SCLT1: variants seen among roughly 807,000 people sequenced by gnomAD.
The protein encoded by SCLT1 is sodium channel and clathrin linker 1.
In SCLT1, 78 loss-of-function variants were observed where a neutral mutation model predicts 112.8. That is an observed-to-expected ratio of 0.69 (90% CI 0.58 to 0.83). SCLT1 has a LOEUF of 0.83. Among genes scored for constraint, SCLT1 ranks in the 40% least tolerant of loss-of-function variants. The probability of loss-of-function intolerance (pLI) is 0.00; values close to 1 mark genes in which losing one functional copy is unlikely to be tolerated. For missense variants in SCLT1, 747 were observed against 770.4 expected, an observed-to-expected ratio of 0.97 and a Z score of 0.36; for synonymous variants, 257 against 254.7, an observed-to-expected ratio of 1.01 and a Z score of -0.09.
intron 16 of SCLT1, among the ~76,000 whole-genome samples, chr4:128,943,844 A>T (rs1737918838): frequency 6.6e-6 from 1 of 152,170 alleles, no homozygotes; most frequent in Non-Finnish European, 1.5e-5. Flanking sequence ...TCAATAACAG[A>T]TAAGCACTGT....
intron 2 of SCLT1, among the ~76,000 whole-genome samples, chr4:129,056,481 T>A (rs936708851): frequency 6.6e-6 from 1 of 152,214 alleles, no homozygotes; most frequent in African/African-American, 2.4e-5. Flanking sequence ...GAACATGGTA[T>A]GTATTTCTAT....
At chr4:129,034,435 A>T (rs1450348178) in intron 5 of SCLT1, among the ~76,000 whole-genome samples, 2 of 151,654 alleles carry the variant, frequency 1.3e-5, no homozygotes, top group South Asian at 4.2e-4. Context: ...AAAAAAATAA[A>T]TATCAGGCTA....
At chr4:128,921,401 A>T (rs1228413357) in intron 18 of SCLT1, among the ~76,000 whole-genome samples, 2 of 152,200 alleles carry the variant, frequency 1.3e-5, no homozygotes, top group Non-Finnish European at 2.9e-5. Context: ...TGAATGAAAA[A>T]CTATACTACA....
rs545861436 is a variant in SCLT1, at chr4:129,027,540, G to A, written c.290+11501C>T. On this transcript the variant is annotated intron_variant, in intron 5 of 20. Transcript: ENST00000281142. ...TGGGACGTATCTCAAAATAATAAGAGCTATCTATGACAAACCCACAGCCAA... is the reference window on the plus strand; with the variant it reads ...TGGGACGTATCTCAAAATAATAAGAACTATCTATGACAAACCCACAGCCAA... Among the ~76,000 whole-genome samples, 30 of 152,178 alleles carry A rather than the reference G, an allele frequency of 2.0e-4. 1 individual carries two copies. In the East Asian group the frequency reaches 5.8e-3, roughly 29 times the overall value.
intron 9 of SCLT1, among the ~76,000 whole-genome samples, chr4:128,989,345 A>G (rs1488998433): frequency 6.6e-6 from 1 of 151,858 alleles, no homozygotes; most frequent in Non-Finnish European, 1.5e-5. Flanking sequence ...CACACAAACA[A>G]GGAAATTAAA....
chr4:129,002,074 A>G (rs1743540395), intron 6 of SCLT1, among the ~76,000 whole-genome samples: 1 of 152,062 alleles, frequency 6.6e-6, no homozygotes, highest in South Asian at 2.1e-4. Context: ...CTTACCTAAA[A>G]TATCACTTTC....
chr4:129,044,827 CAAAAAAAA>C (rs61042798), intron 2 of SCLT1, among the ~76,000 whole-genome samples: 1 of 77,280 alleles, frequency 1.3e-5, no homozygotes, highest in African/African-American at 4.3e-5. Flanking sequence ...ATAATCTCAC[CAAAAAAAA>C]AAAAAAAAGG....
At chr4:128,890,965 T>C in intron 19 of SCLT1, 94 bp downstream of exon 19, 1 of 793,494 alleles carries the variant, frequency 1.3e-6, no homozygotes, top group Non-Finnish European at 2.1e-6. Flanking sequence ...TATTTCCAAG[T>C]AGAGAAATAA....
chr4:128,966,843 G>GTT (rs34186359), intron 10 of SCLT1, among the ~76,000 whole-genome samples: 1 of 146,164 alleles, frequency 6.8e-6, no homozygotes, highest in Non-Finnish European at 1.5e-5. Flanking sequence ...GTTTCCACAG[G>GTT]TTTTTTTTTT....
chr4:129,047,626 T>C (rs1004021436), intron 2 of SCLT1, among the ~76,000 whole-genome samples: 3 of 152,104 alleles, frequency 2.0e-5, no homozygotes, highest in African/African-American at 7.2e-5. Flanking sequence ...GGTTCCCCTT[T>C]CTCCACATCC....
intron 2 of SCLT1, among the ~76,000 whole-genome samples, chr4:129,052,050 ACCCGCCTTGCAT>A (rs1748849477): frequency 3.3e-5 from 5 of 152,040 alleles, no homozygotes; most frequent in Admixed American, 3.3e-4. Flanking sequence ...CATATGTTAA[ACCCGCCTTGCAT>A]CCAAGGGATG....
chr4:129,086,313 GTATATA>G (rs5861875), intron 1 of SCLT1, among the ~76,000 whole-genome samples: 18,409 of 150,102 alleles, frequency 0.12, 1,196 homozygotes, highest in South Asian at 0.19. Context: ...GTGTATGTAT[GTATATA>G]TATATATATA....
intron 1 of SCLT1, among the ~76,000 whole-genome samples, chr4:129,092,346 C>T (rs974764276): frequency 2.0e-5 from 3 of 152,222 alleles, no homozygotes; most frequent in Non-Finnish European, 4.4e-5. Flanking sequence ...CTAATCCCCT[C>T]AGTGTCACAA....
intron 2 of SCLT1, among the ~76,000 whole-genome samples, chr4:129,068,861 A>G (rs908085698): frequency 1.3e-5 from 2 of 152,158 alleles, no homozygotes; most frequent in African/African-American, 2.4e-5. Flanking sequence ...GCCAATGTCT[A>G]GAAGGGTTGT....
intron 18 of SCLT1, among the ~76,000 whole-genome samples, chr4:128,921,293 C>T (rs925387013): frequency 2.6e-5 from 4 of 151,608 alleles, no homozygotes; most frequent in African/African-American, 9.7e-5. Flanking sequence ...CAGAATTAGA[C>T]CAAAAAAACT....
intron 6 of SCLT1, among the ~76,000 whole-genome samples, chr4:129,003,509 T>C (rs1266853940): frequency 1.3e-5 from 2 of 151,884 alleles, no homozygotes; most frequent in African/African-American, 4.8e-5. Context: ...TCAAAATCTT[T>C]ATGATTTTAA....
intron 17 of SCLT1, among the ~76,000 whole-genome samples, 185 bp from the exon 18 acceptor site, chr4:128,937,036 T>G (rs1393208349): frequency 6.6e-6 from 1 of 152,132 alleles, no homozygotes; most frequent in East Asian, 1.9e-4. Flanking sequence ...CCCAGCACTT[T>G]GGGAGGCCAA....
At chr4:128,969,221 G>C (rs954763368) in intron 10 of SCLT1, among the ~76,000 whole-genome samples, 1 of 152,108 alleles carries the variant, frequency 6.6e-6, no homozygotes, top group Non-Finnish European at 1.5e-5. Flanking sequence ...TTTACACTCA[G>C]AATTTGGCTC....
At chr4:128,886,012 G>T (rs1259692570) in intron 20 of SCLT1, among the ~76,000 whole-genome samples, 1 of 151,820 alleles carries the variant, frequency 6.6e-6, no homozygotes, top group Admixed American at 6.6e-5. Context: ...TTAGCCTTTT[G>T]TCATATATGG....
Sources: gnomAD v4.1 joint callset for allele counts (sites outside exome capture counted in the v4.1 genomes callset) on GRCh38, gnomAD v4.1.1 for gene constraint, MANE v1.5 for transcripts, NCBI Gene and HGNC (gene_info 2026-07-23, HGNC 2026-07-21) for gene names.